UPF2: variants seen among roughly 807,000 people sequenced by gnomAD.
The protein encoded by UPF2 is UPF2 regulator of nonsense mediated mRNA decay, also known as regulator of nonsense transcripts 2.
Under a neutral mutation model 141.4 loss-of-function variants are expected in UPF2, and 17 were observed. The ratio of observed to expected loss-of-function variants is 0.12; its 90% CI spans 0.08 to 0.18. The LOEUF (loss-of-function observed/expected upper bound fraction) is 0.18, where lower values mean the gene tolerates loss of function less well. UPF2 is among the 10% of genes least tolerant of loss of function. UPF2 has a pLI of 1.00. For synonymous variants in UPF2, 540 were observed against 498.0 expected, an observed-to-expected ratio of 1.08 and a Z score of -1.12; for missense variants, 1,152 against 1,515.9, an observed-to-expected ratio of 0.76 and a Z score of 3.99.
intron 10 of UPF2, among the ~76,000 whole-genome samples, chr10:11,966,384 T>C (rs1271615357): frequency 1.3e-5 from 2 of 152,222 alleles, no homozygotes; most frequent in Non-Finnish European, 2.9e-5. Context: ...AATCTTTTCC[T>C]GTTAAAATAA....
chr10:12,003,726 G>C (rs942314496), intron 5 of UPF2, among the ~76,000 whole-genome samples: 7 of 152,074 alleles, frequency 4.6e-5, no homozygotes, highest in African/African-American at 1.7e-4. Context: ...AGGAGTTCAA[G>C]ACCAGCCTGA....
At chr10:11,978,710 C>T (rs1357655046) in intron 9 of UPF2, among the ~76,000 whole-genome samples, 1 of 152,198 alleles carries the variant, frequency 6.6e-6, no homozygotes, top group African/African-American at 2.4e-5. Context: ...TGTGGCACCA[C>T]ACCCGGACTC....
At chr10:11,995,442 T>C (rs146757065) in intron 8 of UPF2, among the ~76,000 whole-genome samples, 2,056 of 152,276 alleles carry the variant, frequency 0.014, 29 homozygotes, top group African/African-American at 0.026. Context: ...GCAGTAAACA[T>C]GGCCTCCTTC....
At chr10:11,938,079 G>A (rs988844358) in intron 18 of UPF2, among the ~76,000 whole-genome samples, 6 of 151,868 alleles carry the variant, frequency 4.0e-5, no homozygotes, top group African/African-American at 1.2e-4. Flanking sequence ...ATGTTCTTTC[G>A]GATTTTTTCA....
chr10:11,990,678 C>CAAAAA (rs10650923), intron 8 of UPF2, among the ~76,000 whole-genome samples: 2 of 98,008 alleles, frequency 2.0e-5, no homozygotes, highest in Non-Finnish European at 3.9e-5. Context: ...GACTCTGTCT[C>CAAAAA]AAAAAAAAAA....
intron 19 of UPF2, among the ~76,000 whole-genome samples, chr10:11,933,336 G>A (rs1832804208): frequency 6.6e-6 from 1 of 152,122 alleles, no homozygotes; most frequent in African/African-American, 2.4e-5. Flanking sequence ...TACCAGCGAT[G>A]TTTCTTCAAA....
At chr10:11,986,699 CA>C (rs1481460071) in intron 8 of UPF2, among the ~76,000 whole-genome samples, 1 of 152,136 alleles carries the variant, frequency 6.6e-6, no homozygotes, top group Admixed American at 6.6e-5. Context: ...ATATAATAAG[CA>C]AAAGACTGGG....
At position 12,008,561 on chromosome 10, in the gene UPF2, C is replaced by T. The variant is rs896950795; in HGVS notation, c.1307-3834G>A. On this transcript the variant is annotated intron_variant, in intron 4 of 21. Coordinates refer to ENST00000357604, the MANE Select transcript of UPF2 (RefSeq NM_015542.4). ...AGGAGAATCGCTTGAACCCGGGAGG[C>T]GGAGCTTGCAGTGAGCTTAGATCGC... Among the ~76,000 whole-genome samples the T allele has an allele frequency of 5.1e-5, 7 of 137,774 alleles. 1 individual carries two copies. The highest frequency in any genetic ancestry group is 4.6e-4 in the South Asian group (2 of 4,330). The allele number at this position is 137,774 out of a possible 152,430, so 90.4% of individuals were successfully genotyped here.
rs940300532 is a variant in UPF2 at position 11,992,914 on chromosome 10, C to A, written c.1844+4758G>T. 6.6e-6 allele frequency among the ~76,000 whole-genome samples: 1 copy of A among 152,062 alleles called. No individual in the cohort carries two copies. The highest frequency in any genetic ancestry group is 2.4e-5 in the African/African-American group (1 of 41,408). ...TTGTAATCCCAGCACTTTGGGAGGC[C>A]AAGGCGAGTGAATCACTTGCGGTCA... On this transcript the variant is annotated intron_variant, in intron 8 of 21. Transcript: ENST00000357604. This position sits in a 1 kb window ranked among gnomAD's most constrained non-coding sequence, Gnocchi z 4.1.
intron 19 of UPF2, among the ~76,000 whole-genome samples, chr10:11,934,709 C>T (rs1278615285): frequency 6.6e-6 from 1 of 152,306 alleles, no homozygotes; most frequent in Non-Finnish European, 1.5e-5. Context: ...CCTGCCTCAG[C>T]CTCCTGAGTA....
chr10:11,944,112 T>C (rs553125307), intron 16 of UPF2, among the ~76,000 whole-genome samples: 1 of 152,258 alleles, frequency 6.6e-6, no homozygotes, highest in East Asian at 1.9e-4. Flanking sequence ...TGTGTTACAT[T>C]ATCTTTAGTG....
intron 2 of UPF2, among the ~76,000 whole-genome samples, chr10:12,033,330 G>A (rs913981692): frequency 3.9e-5 from 6 of 152,172 alleles, no homozygotes; most frequent in African/African-American, 1.4e-4. Flanking sequence ...GAGTCCAAGA[G>A]TTCAAGACTA....
intron 3 of UPF2, among the ~76,000 whole-genome samples, chr10:12,022,345 G>A (rs1834332512): frequency 6.6e-6 from 1 of 151,656 alleles, no homozygotes; most frequent in Non-Finnish European, 1.5e-5. Context: ...CTGGGAGGCG[G>A]AGGTTGCAGA....
chr10:12,038,120 TGCCTG>T (rs1358155153), intron 1 of UPF2, among the ~76,000 whole-genome samples: 9 of 152,156 alleles, frequency 5.9e-5, no homozygotes, highest in Non-Finnish European at 1.0e-4. Context: ...CGGTGGCTCA[TGCCTG>T]TAATCCCAGC....
intron 1 of UPF2, among the ~76,000 whole-genome samples, chr10:12,040,187 G>A (rs995251948): frequency 5.3e-5 from 8 of 152,054 alleles, no homozygotes; most frequent in Non-Finnish European, 1.0e-4. Context: ...TTGGGAGGCC[G>A]AGGCAGGTAG....
At position 12,029,063 on chromosome 10, in the gene UPF2, C is replaced by T; in HGVS notation, c.827G>A (p.Gly276Glu). 1 of 1,614,112 alleles carries T rather than the reference C, an allele frequency of 6.2e-7. No homozygotes were observed. The highest frequency in any genetic ancestry group is 1.7e-5 in the Admixed American group (1 of 60,012). Residue 276 changes from glycine to glutamate, a missense_variant, in exon 3 of 22, where the codon GGG (glycine) becomes GAG (glutamate). By Grantham distance (98) the Gly-to-Glu change is moderately conservative. Coordinates refer to ENST00000357604, the MANE Select transcript of UPF2 (RefSeq NM_015542.4). ...LRFIAELTIV[G>E]IFTDKEGLSL... ...AAGACCTTCCTTGTCAGTGAAAATC[C>T]CAACTATTGTCAATTCTGCAATAAA...
intron 21 of UPF2, among the ~76,000 whole-genome samples, chr10:11,927,981 C>A (rs1832733259): frequency 6.6e-6 from 1 of 152,202 alleles, no homozygotes; most frequent in South Asian, 2.1e-4. Context: ...CTGCTCCCAA[C>A]AACAAAGTGA....
Position 11,955,397 on chromosome 10 carries a change from A to G in UPF2, c.2685T>C (p.Ser895=), listed in dbSNP as rs753035978. 1 of 1,614,208 alleles carries G rather than the reference A, an allele frequency of 6.2e-7. No homozygotes were observed. The highest frequency in any genetic ancestry group is 1.1e-5 in the South Asian group (1 of 91,088). ...ESAVIFRTLY[S]FTSFGVNPDG... ...CAGGATTAACACCAAATGAGGTAAA[A>G]GAATACAGAGTTCTGAAAATAACAG... is the stretch of plus-strand genomic sequence containing the variant. Residue 895 remains serine (S), a synonymous_variant, in exon 14 of 22, where the codon TCT becomes TCC. Coordinates refer to ENST00000357604, the MANE Select transcript of UPF2 (RefSeq NM_015542.4).
At chr10:11,984,683 C>G (rs987630261) in intron 8 of UPF2, among the ~76,000 whole-genome samples, 2 of 151,504 alleles carry the variant, frequency 1.3e-5, no homozygotes, top group Non-Finnish European at 2.9e-5. Context: ...TACTGAGTCC[C>G]CCACAAAAAG....
Sources: gnomAD v4.1 joint callset for allele counts (sites outside exome capture counted in the v4.1 genomes callset) on GRCh38, gnomAD v4.1.1 for gene constraint, Gnocchi (gnomAD v3.1) non-coding constraint, MANE v1.5 for transcripts, NCBI Gene and HGNC (gene_info 2026-07-23, HGNC 2026-07-21) for gene names.